MECOM: variants seen among roughly 807,000 people sequenced by gnomAD.
MECOM encodes the protein MDS1 and EVI1 complex locus.
A neutral mutation model predicts 116.3 loss-of-function variants in MECOM; 13 were observed. The ratio of observed to expected loss-of-function variants is 0.11; its 90% confidence interval spans 0.07 to 0.18. The LOEUF is 0.18. Among genes scored for constraint, MECOM ranks in the 10% least tolerant of loss-of-function variants. The pLI, the probability that MECOM is intolerant of heterozygous loss-of-function variation, is 1.00. For missense variants in MECOM, 1,299 were observed against 1,509.0 expected, an observed-to-expected ratio of 0.86 and a Z score of 2.31; for synonymous variants, 528 against 535.2, an observed-to-expected ratio of 0.99 and a Z score of 0.19.
intron 2 of MECOM, among the ~76,000 whole-genome samples, chr3:169,316,528 T>C (rs922331203): frequency 6.6e-6 from 1 of 152,196 alleles, no homozygotes; most frequent in African/African-American, 2.4e-5. Context: ...TGCATTCACA[T>C]ATGTCAAACA....
chr3:169,640,676 AC>A (rs2110026446), intron 1 of MECOM, among the ~76,000 whole-genome samples: 1 of 152,284 alleles, frequency 6.6e-6, no homozygotes, highest in East Asian at 1.9e-4. Flanking sequence ...ACATCACCAC[AC>A]CCTTATGAAG....
chr3:169,472,181 T>C (rs1462233692), intron 1 of MECOM, among the ~76,000 whole-genome samples: 1 of 151,564 alleles, frequency 6.6e-6, no homozygotes, highest in African/African-American at 2.4e-5. Context: ...ACACACCAAC[T>C]GTGTACCAAC....
intron 1 of MECOM, among the ~76,000 whole-genome samples, chr3:169,551,202 A>T (rs1761362590): frequency 6.6e-6 from 1 of 152,110 alleles, no homozygotes; most frequent in Non-Finnish European, 1.5e-5. Context: ...GAGTCTCTTG[A>T]TCCTGTATAT....
At chr3:169,566,859 T>C (rs1004491244) in intron 1 of MECOM, among the ~76,000 whole-genome samples, 21 of 152,254 alleles carry the variant, frequency 1.4e-4, no homozygotes, top group Admixed American at 2.6e-4. Flanking sequence ...ACAACTTCTA[T>C]ATCCCAACTT....
chr3:169,604,240 T>C (rs1560484514), intron 1 of MECOM, among the ~76,000 whole-genome samples: 1 of 151,522 alleles, frequency 6.6e-6, no homozygotes, highest in African/African-American at 2.4e-5. Flanking sequence ...TCTCTCTCTC[T>C]CCCTCCCTCC....
chr3:169,199,097 A>G (rs929962961), intron 2 of MECOM, among the ~76,000 whole-genome samples: 3 of 152,134 alleles, frequency 2.0e-5, no homozygotes, highest in Non-Finnish European at 4.4e-5. Context: ...TTTAAAACTG[A>G]TATTTCAGAA....
At chr3:169,575,150 C>G (rs945877134) in intron 1 of MECOM, among the ~76,000 whole-genome samples, 2 of 152,134 alleles carry the variant, frequency 1.3e-5, no homozygotes, top group African/African-American at 2.4e-5. Flanking sequence ...AAAAACCTCT[C>G]GAATAGAACC....
chr3:169,579,658 A>G (rs1053436582), intron 1 of MECOM, among the ~76,000 whole-genome samples: 1 of 152,222 alleles, frequency 6.6e-6, no homozygotes, highest in African/African-American at 2.4e-5. Flanking sequence ...CCTCCCAAAA[A>G]GGGAAGAAAG....
chr3:169,353,549 T>C (rs1726747294), intron 2 of MECOM, among the ~76,000 whole-genome samples: 1 of 151,760 alleles, frequency 6.6e-6, no homozygotes, highest in Admixed American at 6.6e-5. Context: ...TAACCCTAAA[T>C]AAGTAATGTA....
intron 10 of MECOM, among the ~76,000 whole-genome samples, chr3:169,107,369 A>T (rs149344881): frequency 2.6e-5 from 4 of 152,184 alleles, no homozygotes; most frequent in Non-Finnish European, 5.9e-5. Context: ...ATAGTAACTG[A>T]AAGTCAAGGA....
At chr3:169,136,411 G>A (rs945996357) in intron 3 of MECOM, among the ~76,000 whole-genome samples, 4 of 150,940 alleles carry the variant, frequency 2.7e-5, no homozygotes, top group African/African-American at 9.7e-5. Context: ...CAAGTTATAT[G>A]TAATTATATA....
chr3:169,267,313 G>A lies in MECOM; in HGVS notation c.375+113874C>T, dbSNP rs890380315. Among the ~76,000 whole-genome samples the A allele has an allele frequency of 3.3e-5, 5 of 152,322 alleles. No homozygotes were observed. In the East Asian group the frequency reaches 9.6e-4, roughly 29 times the overall value. Reference sequence around the variant, plus strand: ...CAGACATAATAGAGAAGTTGAAAAAGTGTTGATTGAGACCCGGTGTCTAAT... The same window carrying A: ...CAGACATAATAGAGAAGTTGAAAAAATGTTGATTGAGACCCGGTGTCTAAT... On this transcript the variant is annotated intron_variant, in intron 2 of 16. Coordinates refer to ENST00000651503, the MANE Select transcript of MECOM (RefSeq NM_004991.4).
chr3:169,635,072 G>T (rs1294198522), intron 1 of MECOM, among the ~76,000 whole-genome samples: 1 of 152,144 alleles, frequency 6.6e-6, no homozygotes, highest in African/African-American at 2.4e-5. Flanking sequence ...ATGCAGTTCA[G>T]CCCTTGTGGC....
rs1307574674 is a variant in MECOM, at chr3:169,368,706, A to T, written c.375+12481T>A. On this transcript the variant is annotated intron_variant, in intron 2 of 16. Coordinates refer to ENST00000651503, the MANE Select transcript of MECOM (RefSeq NM_004991.4). ...TCTGATGCAGTGGTCTCAATTAAGT[A>T]TTCTAGAATATTAAGCATCATAAAG... Among the ~76,000 whole-genome samples, 7 of 152,176 alleles carry T rather than the reference A, an allele frequency of 4.6e-5. No homozygotes were observed. In the East Asian group the frequency reaches 1.4e-3, roughly 30 times the overall value.
At chr3:169,339,701 T>C (rs1301469510) in intron 2 of MECOM, among the ~76,000 whole-genome samples, 1 of 152,052 alleles carries the variant, frequency 6.6e-6, no homozygotes, top group African/African-American at 2.4e-5. Flanking sequence ...ATATTTTCAG[T>C]AATAGAAGAT....
intron 9 of MECOM, among the ~76,000 whole-genome samples, chr3:169,109,662 C>A (rs914088376): frequency 6.6e-6 from 1 of 152,108 alleles, no homozygotes; most frequent in African/African-American, 2.4e-5. Context: ...GTGATCCGCC[C>A]GCCTCGGCCT....
chr3:169,200,578 A>G (rs1000164720), intron 2 of MECOM, among the ~76,000 whole-genome samples: 5 of 152,102 alleles, frequency 3.3e-5, no homozygotes, highest in South Asian at 2.1e-4. Flanking sequence ...TTAGGCAGAC[A>G]TAATGCCGAG....
At chr3:169,170,183 C>T (rs1441858570) in intron 2 of MECOM, among the ~76,000 whole-genome samples, 3 of 152,050 alleles carry the variant, frequency 2.0e-5, no homozygotes, top group African/African-American at 4.8e-5. Flanking sequence ...GAGGCCAAGG[C>T]GGGTGGATCA....
intron 1 of MECOM, among the ~76,000 whole-genome samples, chr3:169,655,609 G>C (rs1775450727): frequency 6.6e-6 from 1 of 152,158 alleles, no homozygotes. Flanking sequence ...CAAGTTTTCA[G>C]AACAAATTTA....
Sources: gnomAD v4.1 joint callset for allele counts (sites outside exome capture counted in the v4.1 genomes callset) on GRCh38, gnomAD v4.1.1 for gene constraint, MANE v1.5 for transcripts, NCBI Gene and HGNC (gene_info 2026-07-23, HGNC 2026-07-21) for gene names.